Variants in PIK3R1 observed in about 807,000 individuals in gnomAD.
PIK3R1 encodes phosphoinositide-3-kinase regulatory subunit 1, also known as phosphatidylinositol 3-kinase regulatory subunit alpha.
A neutral mutation model predicts 98.0 loss-of-function variants in PIK3R1; 29 were observed. That is an observed-to-expected ratio of 0.30 (90% CI 0.22 to 0.40). PIK3R1 has a LOEUF of 0.40. Among genes scored for constraint, PIK3R1 ranks in the 10% least tolerant of loss-of-function variants. PIK3R1 has a pLI of 1.00. For missense variants in PIK3R1, 596 were observed against 872.7 expected (o/e 0.68, Z 3.99); for synonymous variants, 282 against 311.8 (o/e 0.90, Z 1.01).
intron 1 of PIK3R1, among the ~76,000 whole-genome samples, chr5:68,219,724 AC>A (rs1561254239): frequency 6.6e-6 from 1 of 152,246 alleles, no homozygotes; most frequent in Non-Finnish European, 1.5e-5. Flanking sequence ...TTCAGGATTC[AC>A]TTAGAACTGT....
At chr5:68,263,022 C>G (rs1303073244) in intron 2 of PIK3R1, among the ~76,000 whole-genome samples, 1 of 106,342 alleles carries the variant, frequency 9.4e-6, no homozygotes, top group Non-Finnish European at 1.9e-5. Flanking sequence ...CATGTAGATA[C>G]ATGTAGATAC....
chr5:68,242,201 G>T (rs762796559), intron 2 of PIK3R1, among the ~76,000 whole-genome samples: 1 of 152,214 alleles, frequency 6.6e-6, no homozygotes, highest in South Asian at 2.1e-4. Flanking sequence ...AAAAATGTTT[G>T]TGTTTTAATT....
chr5:68,295,774 A>G (rs1310081170), intron 14 of PIK3R1: 2 of 499,520 alleles, frequency 4.0e-6, no homozygotes, highest in Non-Finnish European at 7.2e-6. Context: ...GAACAGTCAG[A>G]GAAAAAATAA....
At chr5:68,278,505 T>C (rs1330588760) in intron 4 of PIK3R1, among the ~76,000 whole-genome samples, 2 of 152,166 alleles carry the variant, frequency 1.3e-5, no homozygotes, top group Non-Finnish European at 2.9e-5. Flanking sequence ...TTAGGAAACA[T>C]TTACTATATG....
chr5:68,259,636 T>C (rs1030326932), intron 2 of PIK3R1, among the ~76,000 whole-genome samples: 2 of 152,238 alleles, frequency 1.3e-5, no homozygotes, highest in Non-Finnish European at 2.9e-5. Flanking sequence ...TTACAGTAAG[T>C]AGAGAAATGG....
intron 2 of PIK3R1, among the ~76,000 whole-genome samples, chr5:68,272,252 C>CAAAAAAAAAA (rs36123886): frequency 2.1e-5 from 1 of 46,892 alleles, no homozygotes; most frequent in African/African-American, 7.8e-5. Context: ...GACCCTGTCT[C>CAAAAAAAAAA]AAAAAAAAAA....
chr5:68,262,403 T>TATATATACACAC (rs33968242), intron 2 of PIK3R1, among the ~76,000 whole-genome samples: 1 of 140,618 alleles, frequency 7.1e-6, no homozygotes, highest in Non-Finnish European at 1.5e-5. Flanking sequence ...TATATATATA[T>TATATATACACAC]ACACACACGC....
intron 5 of PIK3R1, 122 bp from the exon 6 acceptor site, chr5:68,280,406 A>G (rs1580244602): frequency 2.5e-5 from 18 of 705,916 alleles, no homozygotes; most frequent in South Asian, 3.5e-5. Context: ...GCTTCTCCCA[A>G]CAACTTTTTA....
rs1580274967 is a variant in PIK3R1, at chr5:68,300,906, G to A, written c.*3305G>A. The A allele has an allele frequency of 4.3e-6, 1 of 233,324 alleles. No homozygotes were observed. Among genetic ancestry groups the A allele is most frequent in the East Asian group, 6.0e-5 (1 of 16,540 alleles). 14.5% of individuals were successfully genotyped at this position (233,324 alleles called of 1,614,324 possible). On this transcript the variant is annotated 3_prime_UTR_variant, in exon 16 of 16. Coordinates refer to ENST00000521381, the MANE Select transcript of PIK3R1 (RefSeq NM_181523.3). ...GCTGGTCTGATGACTTGCTTAGCTT[G>A]GAAATCCTTGTTTTCAGTGTGTCGA...
At chr5:68,265,869 A>G in intron 2 of PIK3R1, among the ~76,000 whole-genome samples, 1 of 152,236 alleles carries the variant, frequency 6.6e-6, no homozygotes, top group East Asian at 1.9e-4. Context: ...ACTTTTCAGG[A>G]TATTTAAAAA....
In PIK3R1 at chr5:68,248,490, A is replaced by G. The variant is rs556752983; in HGVS notation, c.334+21481A>G. 7.9e-5 allele frequency among the ~76,000 whole-genome samples: 12 copies of G among 152,316 alleles called. No homozygotes were observed. In the East Asian group the frequency reaches 2.3e-3, roughly 29 times the overall value. On this transcript the variant is annotated intron_variant, in intron 2 of 15. Transcript: ENST00000521381. ...TAAGATTACCAAAGATTAGTAATCT[A>G]TTTGTGATTGTGTGTGTTGGTGGAC...
intron 7 of PIK3R1, among the ~76,000 whole-genome samples, chr5:68,283,748 C>T (rs12657050): frequency 0.23 from 34,444 of 152,152 alleles, 4,037 homozygotes; most frequent in South Asian, 0.25. Context: ...CTGTGCTACC[C>T]GGCCAGTATG....
At chr5:68,233,053 A>G (rs1432420728) in intron 2 of PIK3R1, among the ~76,000 whole-genome samples, 1 of 152,214 alleles carries the variant, frequency 6.6e-6, no homozygotes, top group Non-Finnish European at 1.5e-5. Context: ...TCTGATTAGT[A>G]AGAATTTCTT....
Position 68,292,344 on chromosome 5 carries a change from C to A in PIK3R1, c.1002C>A (p.Tyr334Ter). Reference sequence around the variant, plus strand: ...TGTCCTTACAAGATGCTGAATGGTACTGGGGAGATATCTCGAGGTAAGGCT... The same window carrying A: ...TGTCCTTACAAGATGCTGAATGGTAATGGGGAGATATCTCGAGGTAAGGCT... ...NNMSLQDAEW[Y>*]WGDISREEVN... Residue 334 changes from tyrosine to a stop codon, truncating the protein, a stop_gained, in exon 8 of 16, where the codon TAC becomes TAA. Transcript: ENST00000521381. LOFTEE classifies it high-confidence loss of function. 3 of 1,608,474 alleles carry A rather than the reference C, an allele frequency of 1.9e-6. No homozygotes were observed. Among genetic ancestry groups the A allele is most frequent in the Non-Finnish European group, 2.6e-6 (3 of 1,175,016 alleles).
chr5:68,292,606 T>TG, intron 8 of PIK3R1: 1 of 1,457,174 alleles, frequency 6.9e-7, no homozygotes, highest in Non-Finnish European at 9.1e-7. Flanking sequence ...CAGAGTGAAG[T>TG]GGCACTGCCT....
chr5:68,256,173 ACT>A (rs1708180971), intron 2 of PIK3R1, among the ~76,000 whole-genome samples: 1 of 152,050 alleles, frequency 6.6e-6, no homozygotes, highest in Admixed American at 6.6e-5. Flanking sequence ...TGACCACCCC[ACT>A]CTGTTTTTCT....
chr5:68,293,507 C>T (rs747551179), intron 10 of PIK3R1, 24 bp downstream of exon 10: 6 of 1,536,908 alleles, frequency 3.9e-6, no homozygotes, highest in Non-Finnish European at 4.5e-6. Flanking sequence ...AATGAATTAT[C>T]CAGTTACGAT....
In PIK3R1 at chr5:68,288,684, ATT is replaced by A. The variant is rs375563457; in HGVS notation, c.917-3564_917-3563del. ...ACTTGGTGGAAGAACAGCTTTGGGG[ATT>A]TTTTTTTTTTCATTGTCGGATACAG... is the stretch of plus-strand genomic sequence containing the variant. On this transcript the variant is annotated intron_variant, in intron 7 of 15. Coordinates refer to ENST00000521381, the MANE Select transcript of PIK3R1 (RefSeq NM_181523.3). The A allele has an allele frequency of 4.2e-4, 540 of 1,275,236 alleles. 2 individuals are homozygous for A. The African/African-American group carries it at 6.4e-3, about 15-fold the overall frequency. The allele number at this position is 1,275,236 out of a possible 1,614,324, so 79.0% of individuals were successfully genotyped here. A position where few individuals can be genotyped will look rare whatever the true frequency, so the allele number is the denominator to read the frequency against.
intron 1 of PIK3R1, among the ~76,000 whole-genome samples, chr5:68,219,851 A>G (rs909748395): frequency 6.6e-6 from 1 of 152,242 alleles, no homozygotes; most frequent in Admixed American, 6.5e-5. Context: ...AAATAATAGT[A>G]ATATAATAGT....
Sources: allele counts gnomAD v4.1 joint callset (sites outside exome capture counted in the v4.1 genomes callset), GRCh38; gene constraint gnomAD v4.1.1; transcripts MANE v1.5; gene names NCBI Gene and HGNC (gene_info 2026-07-23, HGNC 2026-07-21).